FAM135B: variants seen among roughly 807,000 people sequenced by gnomAD.
The protein encoded by FAM135B is family with sequence similarity 135 member B.
Under a neutral mutation model 127.7 loss-of-function variants are expected in FAM135B, and 43 were observed. That is an observed-to-expected ratio of 0.34 (90% confidence interval 0.26 to 0.43). FAM135B has a LOEUF of 0.43. Among genes scored for constraint, FAM135B ranks in the 20% least tolerant of loss-of-function variants. The pLI, the probability that FAM135B is intolerant of heterozygous loss-of-function variation, is 1.00. For synonymous variants in FAM135B, 670 were observed against 665.1 expected (o/e 1.01, Z -0.11); for missense variants, 1,558 against 1,725.6 (o/e 0.90, Z 1.72).
chr8:138,178,642 C>T lies in FAM135B; in HGVS notation c.922G>A (p.Ala308Thr), dbSNP rs747434369. The change falls in exon 10 of 20, where the codon GCC (alanine) becomes ACC (threonine). Residue 308 changes from alanine (A) to threonine (T), a missense_variant. Ala to Thr is a moderately conservative substitution (Grantham distance 58). Coordinates refer to ENST00000395297, the MANE Select transcript of FAM135B (RefSeq NM_015912.4). ...KIAEQISKDL[A>T]WLTSHMMTLW... ...GTCATCATGTGGGACGTGAGCCAGG[C>T]CAGATCCTTGCTTATCTGCTCAGCG... The T allele has an allele frequency of 6.2e-7, 1 of 1,614,034 alleles. No homozygotes were observed.
intron 4 of FAM135B, among the ~76,000 whole-genome samples, chr8:138,259,167 C>G (rs1009993241): frequency 6.6e-6 from 1 of 152,180 alleles, no homozygotes; most frequent in Non-Finnish European, 1.5e-5. Context: ...GGCTCCATTT[C>G]TTTGGCCTTC....
Position 138,132,865 on chromosome 8 carries a change from C to T in FAM135B, c.4016-67G>A, listed in dbSNP as rs1816319354. ...TAGCAGTGGAATCTAGAGAACATCA[C>T]TAGATGTGTGTCGAAATTCTGTTCC... On this transcript the variant is annotated intron_variant, in intron 19 of 19. Coordinates refer to ENST00000395297, the MANE Select transcript of FAM135B (RefSeq NM_015912.4). The surrounding 1 kb of genome is among the most constrained non-coding windows in gnomAD (Gnocchi z 4.5). 2.8e-6 allele frequency: 4 copies of T among 1,430,696 alleles called. No homozygotes were observed. Among genetic ancestry groups the T allele is most frequent in the Non-Finnish European group, 2.0e-6 (2 of 1,016,090 alleles). The allele number at this position is 1,430,696 out of a possible 1,614,324, so 88.6% of individuals were successfully genotyped here. A position where few individuals can be genotyped will look rare whatever the true frequency, so the allele number is the denominator to read the frequency against.
chr8:138,417,441 C>G (rs753388389), intron 1 of FAM135B, among the ~76,000 whole-genome samples: 4 of 152,196 alleles, frequency 2.6e-5, no homozygotes, highest in Non-Finnish European at 5.9e-5. Context: ...CCCAGCCGTT[C>G]CTTGCTGCTT....
chr8:138,382,784 C>T (rs113517311), intron 1 of FAM135B, among the ~76,000 whole-genome samples: 138 of 152,254 alleles, frequency 9.1e-4, no homozygotes, highest in African/African-American at 2.9e-3. Context: ...AAAACAATAA[C>T]GCTTTCATGC....
At chr8:138,197,493 T>C (rs1247638822) in intron 8 of FAM135B, 23 bp downstream of exon 8, 5 of 1,606,956 alleles carry the variant, frequency 3.1e-6, no homozygotes, top group Non-Finnish European at 4.3e-6. Context: ...TGGGATGGGC[T>C]TGCCCCTGTC....
intron 1 of FAM135B, among the ~76,000 whole-genome samples, chr8:138,477,992 C>T (rs1444694872): frequency 6.6e-6 from 1 of 152,268 alleles, no homozygotes; most frequent in African/African-American, 2.4e-5. Flanking sequence ...CGACTTCCCA[C>T]AAGTAGCAGC....
chr8:138,181,195 C>T (rs1212031657), intron 9 of FAM135B, among the ~76,000 whole-genome samples: 1 of 152,042 alleles, frequency 6.6e-6, no homozygotes, highest in South Asian at 2.1e-4. Context: ...GAGCCGAGAT[C>T]GCACCACTAC....
At chr8:138,473,480 G>A (rs553308527) in intron 1 of FAM135B, among the ~76,000 whole-genome samples, 7 of 152,104 alleles carry the variant, frequency 4.6e-5, no homozygotes, top group East Asian at 1.9e-4. Context: ...CCTGTAACAC[G>A]GAAATATATA....
chr8:138,468,505 C>G (rs911509244), intron 1 of FAM135B, among the ~76,000 whole-genome samples: 1 of 152,136 alleles, frequency 6.6e-6, no homozygotes, highest in African/African-American at 2.4e-5. Flanking sequence ...TGCCACCCAT[C>G]ACTCTTCCTT....
At chr8:138,273,781 T>C (rs544604474) in intron 3 of FAM135B, among the ~76,000 whole-genome samples, 88 of 152,200 alleles carry the variant, frequency 5.8e-4, no homozygotes, top group Non-Finnish European at 7.8e-4. Context: ...CTGCCCCTTC[T>C]GGATTCCTAG....
intron 5 of FAM135B, among the ~76,000 whole-genome samples, chr8:138,251,913 G>A (rs554495788): frequency 5.9e-5 from 9 of 152,286 alleles, no homozygotes; most frequent in African/African-American, 2.2e-4. Flanking sequence ...TCCATCCATA[G>A]ATAAGGAAAT....
chr8:138,255,026 C>CTT lies in FAM135B; in HGVS notation c.368+1661_368+1662dup, dbSNP rs5895505. ...AAGAAGTTCTGAGAAGAAATCTGAA[C>CTT]TTTTTTTTTTTTTTTTTTTTTGAGA... On this transcript the variant is annotated intron_variant, in intron 5 of 19. Coordinates refer to ENST00000395297, the MANE Select transcript of FAM135B (RefSeq NM_015912.4). 1.9e-3 allele frequency among the ~76,000 whole-genome samples: 222 copies of CTT among 118,662 alleles called. 2 individuals are homozygous for CTT. The highest frequency in any genetic ancestry group is 4.3e-3 in the East Asian group (17 of 3,998). The allele number at this position is 118,662 out of a possible 152,430, so 77.8% of individuals were successfully genotyped here.
intron 1 of FAM135B, chr8:138,450,800 G>T (rs550768580): frequency 6.6e-6 from 1 of 152,236 alleles, no homozygotes; most frequent in East Asian, 1.9e-4. Flanking sequence ...CTGTCAATCA[G>T]TCGTCTTCAA....
chr8:138,180,872 C>T (rs1158976868), intron 9 of FAM135B, among the ~76,000 whole-genome samples: 4 of 152,160 alleles, frequency 2.6e-5, no homozygotes, highest in African/African-American at 9.7e-5. Flanking sequence ...CCAGCACTGG[C>T]TCTGGGGCAG....
intron 9 of FAM135B, among the ~76,000 whole-genome samples, chr8:138,187,607 G>GAT (rs1369082195): frequency 1.2e-4 from 18 of 152,254 alleles, no homozygotes; most frequent in Non-Finnish European, 4.4e-5. Context: ...GCCCCCATAT[G>GAT]ATATATATAC....
At chr8:138,327,507 G>T (rs1827876058) in intron 2 of FAM135B, among the ~76,000 whole-genome samples, 1 of 152,156 alleles carries the variant, frequency 6.6e-6, no homozygotes, top group African/African-American at 2.4e-5. Context: ...TACATAAAAT[G>T]ACCCATAATA....
chr8:138,258,157 C>T (rs1822250205), intron 4 of FAM135B, among the ~76,000 whole-genome samples: 1 of 152,210 alleles, frequency 6.6e-6, no homozygotes, highest in Non-Finnish European at 1.5e-5. Context: ...GTGTCTGCTG[C>T]ATAGAAAGTA....
intron 14 of FAM135B, among the ~76,000 whole-genome samples, chr8:138,148,146 C>T (rs868348766): frequency 3.3e-5 from 5 of 152,154 alleles, no homozygotes; most frequent in Admixed American, 6.5e-5. Context: ...TGTATTCATG[C>T]ACTTCATTAA....
chr8:138,189,081 A>T (rs964989129), intron 9 of FAM135B, among the ~76,000 whole-genome samples: 1 of 152,186 alleles, frequency 6.6e-6, no homozygotes, highest in East Asian at 1.9e-4. Context: ...TCCTATGCCC[A>T]TAAAAACCAA....
Sources: allele counts gnomAD v4.1 joint callset (sites outside exome capture counted in the v4.1 genomes callset), GRCh38; gene constraint gnomAD v4.1.1; non-coding constraint Gnocchi (gnomAD v3.1); transcripts MANE v1.5; gene names NCBI Gene and HGNC (gene_info 2026-07-23, HGNC 2026-07-21).